TLL1: variants seen among roughly 807,000 people sequenced by gnomAD.
TLL1 encodes tolloid like 1.
Under a neutral mutation model 128.2 loss-of-function variants are expected in TLL1, and 49 were observed. That is an observed-to-expected ratio of 0.38 (90% CI 0.30 to 0.48). The LOEUF (loss-of-function observed/expected upper bound fraction) is 0.48, where lower values mean the gene tolerates loss of function less well. Ranked by LOEUF, TLL1 falls within the 20% of genes least tolerant of loss-of-function variation. The pLI, the probability that TLL1 is intolerant of heterozygous loss-of-function variation, is 0.96. For synonymous variants in TLL1, 454 were observed against 418.8 expected (o/e 1.08, Z -1.03); for missense variants, 1,123 against 1,242.0 (o/e 0.90, Z 1.44).
chr4:166,071,773 A>G (rs1306398465), intron 16 of TLL1, among the ~76,000 whole-genome samples: 1 of 151,892 alleles, frequency 6.6e-6, no homozygotes, highest in East Asian at 1.9e-4. Context: ...TAGGAAATCT[A>G]TAATATATTT....
At chr4:165,929,320 C>T (rs1303428804) in intron 1 of TLL1, among the ~76,000 whole-genome samples, 7 of 152,086 alleles carry the variant, frequency 4.6e-5, no homozygotes, top group Admixed American at 1.3e-4. Flanking sequence ...GGGCGGATCA[C>T]GAGGTCAAGA....
At chr4:166,082,878 T>C (rs1292914066) in intron 18 of TLL1, among the ~76,000 whole-genome samples, 1 of 152,058 alleles carries the variant, frequency 6.6e-6, no homozygotes, top group East Asian at 1.9e-4. Context: ...CGTTTTGCTA[T>C]GTTGGCCAGG....
chr4:165,919,183 G>T (rs1032339700), intron 1 of TLL1, among the ~76,000 whole-genome samples: 1 of 151,602 alleles, frequency 6.6e-6, no homozygotes, highest in Non-Finnish European at 1.5e-5. Flanking sequence ...GGAGTTTGAG[G>T]CTAGCCTGGG....
chr4:165,926,880 T>C (rs1733295208), intron 1 of TLL1, among the ~76,000 whole-genome samples: 1 of 152,222 alleles, frequency 6.6e-6, no homozygotes, highest in Admixed American at 6.5e-5. Flanking sequence ...CTTGTAATGA[T>C]GAAGTTTTAT....
chr4:166,030,864 A>G (rs1738735342), intron 9 of TLL1: 22 of 992,780 alleles, frequency 2.2e-5, no homozygotes, highest in Non-Finnish European at 2.4e-5. Context: ...CTGTTTGAAA[A>G]TGTGGATTTT....
At chr4:165,922,213 C>A (rs146682065) in intron 1 of TLL1, among the ~76,000 whole-genome samples, 1 of 152,098 alleles carries the variant, frequency 6.6e-6, no homozygotes, top group Non-Finnish European at 1.5e-5. Flanking sequence ...TTTATTCTGG[C>A]CTTCATAGTT....
At chr4:165,936,504 T>G (rs975662734) in intron 1 of TLL1, among the ~76,000 whole-genome samples, 1 of 151,998 alleles carries the variant, frequency 6.6e-6, no homozygotes, top group African/African-American at 2.4e-5. Flanking sequence ...ACCTGGACTA[T>G]TTATATTTTT....
chr4:165,931,067 TAG>T lies in TLL1; in HGVS notation c.169+56996_169+56997del, dbSNP rs1733489985. Among the ~76,000 whole-genome samples, 9 of 152,344 alleles carry T rather than the reference TAG, an allele frequency of 5.9e-5. No homozygotes were observed. The South Asian group carries it at 1.9e-3, about 32-fold the overall frequency. Reference sequence around the variant, plus strand: ...TAGGATAATTGTTACCTCTCTTTCATAGATTATGTGTTTTGTTGTTGTAAATA... The same window carrying T: ...TAGGATAATTGTTACCTCTCTTTCATATTATGTGTTTTGTTGTTGTAAATA... On this transcript the variant is annotated intron_variant, in intron 1 of 20. Transcript: ENST00000061240.
intron 1 of TLL1, among the ~76,000 whole-genome samples, chr4:165,887,920 T>C (rs1485070734): frequency 6.6e-6 from 1 of 152,194 alleles, no homozygotes; most frequent in Non-Finnish European, 1.5e-5. Flanking sequence ...TGATATAATG[T>C]AGCTTTAAAA....
At chr4:166,055,531 T>C (rs1196871555) in intron 13 of TLL1, among the ~76,000 whole-genome samples, 1 of 152,118 alleles carries the variant, frequency 6.6e-6, no homozygotes, top group African/African-American at 2.4e-5. Flanking sequence ...CAGAAAAGGA[T>C]ATACAGACAG....
intron 19 of TLL1, among the ~76,000 whole-genome samples, chr4:166,097,219 G>A (rs1435683079): frequency 6.6e-6 from 1 of 152,048 alleles, no homozygotes; most frequent in African/African-American, 2.4e-5. Flanking sequence ...CCCAAGAAGG[G>A]GCAAATAATT....
chr4:165,895,029 A>G (rs1731608540), intron 1 of TLL1, among the ~76,000 whole-genome samples: 2 of 152,038 alleles, frequency 1.3e-5, no homozygotes, highest in African/African-American at 2.4e-5. Context: ...CATGTTTTAT[A>G]TGTAATCTAT....
intron 1 of TLL1, among the ~76,000 whole-genome samples, chr4:165,896,839 A>G (rs969626169): frequency 6.6e-6 from 1 of 152,108 alleles, no homozygotes; most frequent in African/African-American, 2.4e-5. Flanking sequence ...GTCTTTCACA[A>G]TGGTTGAACT....
At chr4:165,928,989 TA>T (rs1343090653) in intron 1 of TLL1, among the ~76,000 whole-genome samples, 5 of 152,186 alleles carry the variant, frequency 3.3e-5, no homozygotes, top group African/African-American at 1.2e-4. Flanking sequence ...AATGCTGATT[TA>T]ATTCACAAAC....
rs1333629954 is a variant in TLL1 at position 165,873,824 on chromosome 4, C to A, written c.-81C>A. On this transcript the variant is annotated 5_prime_UTR_variant, in exon 1 of 21. Coordinates refer to ENST00000061240, the MANE Select transcript of TLL1 (RefSeq NM_012464.5). ...CCGGGTGGGGAGAAGAGCACCGGTG[C>A]CCCTAGCCCCGCACATCAGCGCGGA... is the stretch of plus-strand genomic sequence containing the variant. 5 of 1,531,838 alleles carry A rather than the reference C, an allele frequency of 3.3e-6. No individual in the cohort carries two copies. Among genetic ancestry groups the A allele is most frequent in the African/African-American group, 1.4e-5 (1 of 73,134 alleles). 94.9% of individuals were successfully genotyped at this position (1,531,838 alleles called of 1,614,324 possible).
rs1364033032 is a variant in TLL1 at position 166,103,991 on chromosome 4, T to C, written c.*3115T>C. On this transcript the variant is annotated 3_prime_UTR_variant, in exon 21 of 21. Transcript: ENST00000061240. ...AAGAAATGGATGAGAAGTAATTGTG[T>C]TTCCAAAACCCTCAAATATCCCATT... 6.6e-6 allele frequency: 1 copy of C among 151,940 alleles called. No individual in the cohort carries two copies. The highest frequency in any genetic ancestry group is 2.4e-5 in the African/African-American group (1 of 41,408). 9.4% of individuals were successfully genotyped at this position (151,940 alleles called of 1,614,324 possible).
At chr4:166,003,668 T>A in intron 6 of TLL1, 99 bp downstream of exon 6, 1 of 1,199,472 alleles carries the variant, frequency 8.3e-7, no homozygotes. Context: ...TGTAAACTGA[T>A]ATTTTTGATA....
At position 166,101,100 on chromosome 4, in the gene TLL1, G is replaced by C. The variant is rs1049314629; in HGVS notation, c.*224G>C. ...CATGCTTGATGGTATTAATAAAGCT[G>C]GTGAAAGGGCATCATATACTTCAAG... On this transcript the variant is annotated 3_prime_UTR_variant, in exon 21 of 21. Coordinates refer to ENST00000061240, the MANE Select transcript of TLL1 (RefSeq NM_012464.5). 1 of 521,942 alleles carries C rather than the reference G, an allele frequency of 1.9e-6. No homozygotes were observed. Among genetic ancestry groups the C allele is most frequent in the Admixed American group, 3.3e-5 (1 of 30,506 alleles). 32.3% of individuals were successfully genotyped at this position (521,942 alleles called of 1,614,324 possible).
intron 1 of TLL1, among the ~76,000 whole-genome samples, chr4:165,917,296 G>T (rs1190538399): frequency 6.6e-6 from 1 of 152,064 alleles, no homozygotes; most frequent in Non-Finnish European, 1.5e-5. Flanking sequence ...CATTACTCTT[G>T]TACTGTTCTA....
Sources: allele counts gnomAD v4.1 joint callset (sites outside exome capture counted in the v4.1 genomes callset), GRCh38; gene constraint gnomAD v4.1.1; transcripts MANE v1.5; gene names NCBI Gene and HGNC (gene_info 2026-07-23, HGNC 2026-07-21).